CNBD1: variants seen among roughly 807,000 people sequenced by gnomAD.
CNBD1 encodes the protein cyclic nucleotide binding domain containing 1.
A neutral mutation model predicts 54.4 loss-of-function variants in CNBD1; 71 were observed. The observed-to-expected ratio is 1.30, with a 90% confidence interval of 1.08 to 1.59. CNBD1 has a LOEUF of 1.59. CNBD1 is among the 40% of genes most tolerant of loss of function. The pLI, the probability that CNBD1 is intolerant of heterozygous loss-of-function variation, is 0.00. For missense variants in CNBD1, 659 were observed against 518.0 expected, an observed-to-expected ratio of 1.27 and a Z score of -2.64; for synonymous variants, 182 against 170.7, an observed-to-expected ratio of 1.07 and a Z score of -0.51.
chr8:87,311,011 A>T (rs770134267), intron 8 of CNBD1, among the ~76,000 whole-genome samples: 1 of 152,126 alleles, frequency 6.6e-6, no homozygotes, highest in Non-Finnish European at 1.5e-5. Context: ...GAGAAAACCT[A>T]GGAAACAGTA....
chr8:87,411,243 G>A (rs1807736441), intron 2 of CNBD1, among the ~76,000 whole-genome samples: 1 of 151,252 alleles, frequency 6.6e-6, no homozygotes, highest in Admixed American at 6.6e-5. Flanking sequence ...CTCATTTCTG[G>A]CATATAGTTG....
chr8:87,034,108 T>C (rs1809855469), intron 4 of CNBD1, among the ~76,000 whole-genome samples: 1 of 152,234 alleles, frequency 6.6e-6, no homozygotes, highest in Non-Finnish European at 1.5e-5. Context: ...TTTTTCCATT[T>C]ATTTACAATG....
chr8:87,225,709 G>T (rs1407535374), intron 5 of CNBD1, among the ~76,000 whole-genome samples: 2 of 151,910 alleles, frequency 1.3e-5, no homozygotes, highest in Admixed American at 6.5e-5. Context: ...CTCTTTTTTG[G>T]TTGTGTCTCT....
chr8:86,934,876 C>T (rs1439487831), intron 3 of CNBD1, among the ~76,000 whole-genome samples: 1 of 152,142 alleles, frequency 6.6e-6, no homozygotes, highest in Non-Finnish European at 1.5e-5. Flanking sequence ...CATCTATAAT[C>T]AGTGACACTG....
At chr8:87,210,789 G>A (rs112961881) in intron 5 of CNBD1, among the ~76,000 whole-genome samples, 234 of 152,300 alleles carry the variant, frequency 1.5e-3, no homozygotes, top group Non-Finnish European at 1.9e-3. Context: ...TACAGGAGTA[G>A]AGCCCTCACA....
chr8:87,283,122 C>T (rs1456418924), intron 6 of CNBD1, among the ~76,000 whole-genome samples: 3 of 152,088 alleles, frequency 2.0e-5, no homozygotes, highest in Non-Finnish European at 4.4e-5. Flanking sequence ...ATTTCTTCTA[C>T]ATTTTATTCC....
rs1811110146 is a variant in CNBD1 at position 87,087,146 on chromosome 8, G to A, written c.432-118847G>A. 2.2e-5 allele frequency among the ~76,000 whole-genome samples: 3 copies of A among 138,352 alleles called. No individual in the cohort carries two copies. In the Admixed American group the frequency reaches 2.2e-4, roughly 10 times the overall value. 90.8% of individuals were successfully genotyped at this position (138,352 alleles called of 152,430 possible). On this transcript the variant is annotated intron_variant, in intron 4 of 10. Transcript: ENST00000518476. Reference sequence around the variant, plus strand: ...CAACTTCCTGAGAATGAAACATATTGTAAATGAATATCAGGAATATGTATG... The same window carrying A: ...CAACTTCCTGAGAATGAAACATATTATAAATGAATATCAGGAATATGTATG...
At chr8:86,901,439 A>G (rs559585800) in intron 2 of CNBD1, among the ~76,000 whole-genome samples, 70 of 152,318 alleles carry the variant, frequency 4.6e-4, no homozygotes, top group African/African-American at 1.7e-3. Flanking sequence ...ACATAAATAT[A>G]ATTAATCAAT....
chr8:87,202,833 C>T (rs979212035), intron 4 of CNBD1, among the ~76,000 whole-genome samples: 2 of 152,128 alleles, frequency 1.3e-5, no homozygotes, highest in African/African-American at 2.4e-5. Flanking sequence ...GCATGGCTGG[C>T]CAGGAAGCTG....
chr8:87,119,412 T>G (rs1395426141), intron 4 of CNBD1, among the ~76,000 whole-genome samples: 1 of 152,062 alleles, frequency 6.6e-6, no homozygotes, highest in East Asian at 1.9e-4. Flanking sequence ...ATGGTACTGA[T>G]TTTTGTACAT....
chr8:87,093,429 G>T (rs1811257712), intron 4 of CNBD1, among the ~76,000 whole-genome samples: 1 of 152,068 alleles, frequency 6.6e-6, no homozygotes, highest in Non-Finnish European at 1.5e-5. Context: ...GAGTTGTAAG[G>T]CAGTTTACTG....
At chr8:87,098,782 A>C (rs1391751274) in intron 4 of CNBD1, among the ~76,000 whole-genome samples, 1 of 151,558 alleles carries the variant, frequency 6.6e-6, no homozygotes, top group Non-Finnish European at 1.5e-5. Context: ...TCATGCGTGT[A>C]ATCTCAGCAC....
intron 10 of CNBD1, among the ~76,000 whole-genome samples, chr8:87,375,267 C>A (rs1329561792): frequency 6.6e-6 from 1 of 151,814 alleles, no homozygotes; most frequent in Admixed American, 6.6e-5. Context: ...AGTTTAGTTA[C>A]AAATTTCCAG....
chr8:87,400,653 A>G (rs926025133), intron 2 of CNBD1, among the ~76,000 whole-genome samples: 21 of 152,112 alleles, frequency 1.4e-4, no homozygotes, highest in African/African-American at 5.1e-4. Context: ...CAAGATTGAT[A>G]ATTTGACTTT....
intron 4 of CNBD1, among the ~76,000 whole-genome samples, chr8:87,068,431 C>A (rs1810697768): frequency 6.6e-6 from 1 of 151,828 alleles, no homozygotes; most frequent in Non-Finnish European, 1.5e-5. Flanking sequence ...TACAACAAAT[C>A]TTTTAATTGG....
At chr8:86,871,568 G>A (rs951441449) in intron 1 of CNBD1, among the ~76,000 whole-genome samples, 1 of 152,140 alleles carries the variant, frequency 6.6e-6, no homozygotes, top group Non-Finnish European at 1.5e-5. Flanking sequence ...TCTGTCTCTT[G>A]TGTTCTAGAT....
chr8:87,351,088 C>T (rs1399926462), intron 8 of CNBD1, among the ~76,000 whole-genome samples: 1 of 152,040 alleles, frequency 6.6e-6, no homozygotes, highest in Non-Finnish European at 1.5e-5. Context: ...AGTAAGGACT[C>T]CTAATTAATT....
intron 6 of CNBD1, among the ~76,000 whole-genome samples, chr8:87,275,562 G>A (rs1292300611): frequency 6.6e-6 from 1 of 151,582 alleles, no homozygotes; most frequent in African/African-American, 2.4e-5. Flanking sequence ...AGGTATTGAT[G>A]GGACGTATCT....
At chr8:86,980,949 G>A (rs190037360) in intron 4 of CNBD1, among the ~76,000 whole-genome samples, 2 of 152,124 alleles carry the variant, frequency 1.3e-5, no homozygotes, top group Admixed American at 1.3e-4. Context: ...ATACACATAT[G>A]CCCATAACCT....
Sources: gnomAD v4.1 joint callset for allele counts (sites outside exome capture counted in the v4.1 genomes callset) on GRCh38, gnomAD v4.1.1 for gene constraint, MANE v1.5 for transcripts, NCBI Gene and HGNC (gene_info 2026-07-23, HGNC 2026-07-21) for gene names.